DCC: variants seen among roughly 807,000 people sequenced by gnomAD.
DCC encodes the protein netrin receptor DCC.
DCC carries 58 observed loss-of-function variants against 172.5 expected under a neutral mutation model. The observed-to-expected ratio is 0.34, with a 90% CI of 0.27 to 0.42. The LOEUF (loss-of-function observed/expected upper bound fraction) is 0.42, where lower values mean the gene tolerates loss of function less well. Among genes scored for constraint, DCC ranks in the 10% least tolerant of loss-of-function variants. The pLI is 1.00. For missense variants in DCC, 1,740 were observed against 1,791.0 expected, an observed-to-expected ratio of 0.97 and a Z score of 0.51; for synonymous variants, 709 against 644.5, an observed-to-expected ratio of 1.10 and a Z score of -1.52.
At chr18:52,563,160 A>C (rs1341144694) in intron 1 of DCC, among the ~76,000 whole-genome samples, 1 of 152,198 alleles carries the variant, frequency 6.6e-6, no homozygotes, top group East Asian at 1.9e-4. Flanking sequence ...AAAAGGAAGG[A>C]AGTCAAGATT....
At chr18:53,173,114 G>T (rs886270832) in intron 8 of DCC, among the ~76,000 whole-genome samples, 1 of 152,034 alleles carries the variant, frequency 6.6e-6, no homozygotes, top group African/African-American at 2.4e-5. Context: ...TATTATGAGG[G>T]TTTGCTTTTA....
At chr18:53,081,113 T>TC (rs955891094) in intron 7 of DCC, among the ~76,000 whole-genome samples, 3 of 151,856 alleles carry the variant, frequency 2.0e-5, no homozygotes, top group African/African-American at 2.4e-5. Context: ...TATCACTTTT[T>TC]CCCCCCCTCC....
chr18:53,063,735 C>T (rs541840896), intron 6 of DCC: 7 of 370,574 alleles, frequency 1.9e-5, no homozygotes, highest in African/African-American at 6.3e-5. Context: ...CTAAGTATTT[C>T]TGAGTAGTTT....
chr18:52,902,470 A>G (rs561908341), intron 2 of DCC, among the ~76,000 whole-genome samples: 167 of 152,304 alleles, frequency 1.1e-3, no homozygotes, highest in African/African-American at 3.8e-3. Flanking sequence ...TGAGCAGGTA[A>G]CTATTTTTCA....
intron 1 of DCC, among the ~76,000 whole-genome samples, chr18:52,423,977 G>A (rs1987338831): frequency 1.3e-5 from 2 of 152,068 alleles, no homozygotes. Flanking sequence ...ACCAAGAATG[G>A]TTTCTTGTTC....
intron 1 of DCC, among the ~76,000 whole-genome samples, chr18:52,614,552 G>A (rs190133258): frequency 2.3e-4 from 35 of 152,202 alleles, no homozygotes; most frequent in Non-Finnish European, 4.1e-4. Flanking sequence ...TCTAAGATAC[G>A]CATTTTATCA....
chr18:53,183,400 T>G (rs2055228278), intron 9 of DCC, among the ~76,000 whole-genome samples: 1 of 152,190 alleles, frequency 6.6e-6, no homozygotes. Context: ...TTCTCTACCA[T>G]ATTATCAGCC....
intron 2 of DCC, among the ~76,000 whole-genome samples, chr18:52,784,218 G>A (rs781059741): frequency 3.3e-5 from 5 of 150,966 alleles, no homozygotes; most frequent in Non-Finnish European, 5.9e-5. Flanking sequence ...TTAACATAGC[G>A]ACCTCCATTT....
In DCC at chr18:53,315,363, T is replaced by C. The variant is rs573002592; in HGVS notation, c.2054-6684T>C. ...ACATTTTCTTTATGCAGTCTATCAT[T>C]GATGGGCATTTGCATTGGTTCCAAG... is the stretch of plus-strand genomic sequence containing the variant. On this transcript the variant is annotated intron_variant, in intron 13 of 28. Transcript: ENST00000442544. 5.9e-5 allele frequency among the ~76,000 whole-genome samples: 9 copies of C among 152,352 alleles called. No homozygotes were observed. The East Asian group carries it at 1.3e-3, about 23-fold the overall frequency.
chr18:52,657,605 G>T (rs1276382779), intron 1 of DCC, among the ~76,000 whole-genome samples: 1 of 152,088 alleles, frequency 6.6e-6, no homozygotes. Flanking sequence ...GATTCACTTA[G>T]GGCCAAGTTT....
intron 9 of DCC, among the ~76,000 whole-genome samples, chr18:53,179,757 C>T (rs1168491154): frequency 3.3e-5 from 5 of 152,030 alleles, no homozygotes; most frequent in Admixed American, 1.3e-4. Context: ...AATTACATAT[C>T]GAAAACTATT....
intron 1 of DCC, among the ~76,000 whole-genome samples, chr18:52,511,725 A>G (rs954135312): frequency 1.4e-4 from 21 of 152,194 alleles, no homozygotes; most frequent in Non-Finnish European, 8.8e-5. Flanking sequence ...TAATCTCACA[A>G]CATTTTAATC....
At chr18:53,070,420 A>G (rs1195605553) in intron 7 of DCC, among the ~76,000 whole-genome samples, 1 of 152,218 alleles carries the variant, frequency 6.6e-6, no homozygotes, top group Non-Finnish European at 1.5e-5. Flanking sequence ...CAGAAAAATA[A>G]AAAGCTATTT....
chr18:53,066,353 GTATA>G (rs10526030), intron 7 of DCC, among the ~76,000 whole-genome samples, 187 bp downstream of exon 7: 2,771 of 94,028 alleles, frequency 0.029, 70 homozygotes, highest in South Asian at 0.05. Flanking sequence ...GTACATGTGT[GTATA>G]TATATATATA....
intron 2 of DCC, among the ~76,000 whole-genome samples, chr18:52,779,110 T>C (rs947486019): frequency 1.3e-5 from 2 of 152,214 alleles, no homozygotes; most frequent in African/African-American, 4.8e-5. Context: ...TTTCACCTTG[T>C]TCTTTTCAAG....
At chr18:53,287,860 A>G (rs1042886051) in intron 12 of DCC, among the ~76,000 whole-genome samples, 1 of 152,208 alleles carries the variant, frequency 6.6e-6, no homozygotes, top group African/African-American at 2.4e-5. Context: ...GACTATTAAA[A>G]AAGTAGCCAC....
At chr18:53,313,836 G>A (rs570242450) in intron 13 of DCC, among the ~76,000 whole-genome samples, 4 of 152,166 alleles carry the variant, frequency 2.6e-5, no homozygotes, top group Non-Finnish European at 5.9e-5. Context: ...CCCAAGGATA[G>A]TCCAAGCTTT....
intron 22 of DCC, among the ~76,000 whole-genome samples, chr18:53,444,616 G>A (rs1912483746): frequency 6.6e-6 from 1 of 152,182 alleles, no homozygotes; most frequent in Non-Finnish European, 1.5e-5. Flanking sequence ...CAAAAGGTCT[G>A]TGACTCGCTG....
At chr18:52,774,642 C>T (rs2037397266) in intron 2 of DCC, among the ~76,000 whole-genome samples, 1 of 151,984 alleles carries the variant, frequency 6.6e-6, no homozygotes, top group Admixed American at 6.6e-5. Context: ...GTATGGCTTG[C>T]TTCTTCAGTG....
Sources: gnomAD v4.1 joint callset for allele counts (sites outside exome capture counted in the v4.1 genomes callset) on GRCh38, gnomAD v4.1.1 for gene constraint, MANE v1.5 for transcripts, NCBI Gene and HGNC (gene_info 2026-07-23, HGNC 2026-07-21) for gene names.